The following HRH2 variants were observed in gnomAD, a reference collection of about 807,000 sequenced individuals.
The protein encoded by HRH2 is histamine receptor H2.
Under a neutral mutation model 20.1 loss-of-function variants are expected in HRH2, and 4 were observed. That is an observed-to-expected ratio of 0.20 (90% confidence interval 0.10 to 0.45). The LOEUF (loss-of-function observed/expected upper bound fraction) is 0.45, where lower values mean the gene tolerates loss of function less well. Among genes scored for constraint, HRH2 ranks in the 20% least tolerant of loss-of-function variants. The pLI is 0.99. For missense variants in HRH2, 250 were observed against 461.6 expected (o/e 0.54, Z 4.20); for synonymous variants, 197 against 200.7 (o/e 0.98, Z 0.16).
intron 2 of HRH2, among the ~76,000 whole-genome samples, chr5:175,689,216 T>C (rs1756279050): frequency 6.6e-6 from 1 of 152,204 alleles, no homozygotes; most frequent in African/African-American, 2.4e-5. Context: ...TTCTTATCCC[T>C]GTCTCCAAGG....
chr5:175,667,598 G>A (rs1561720321), intron 1 of HRH2, among the ~76,000 whole-genome samples: 1 of 152,052 alleles, frequency 6.6e-6, no homozygotes, highest in Non-Finnish European at 1.5e-5. Context: ...CACATCCCCT[G>A]TAAGTTAACA....
At position 175,683,587 on chromosome 5, in the gene HRH2, C is replaced by T. The variant is rs202145100; in HGVS notation, c.354C>T (p.Cys118=). The part of the protein sequence containing the change: ...NLFMISLDRY[C]AVMDPLRYPV... ...TCATGATCAGCCTCGACCGGTACTGCGCTGTCATGGACCCACTGCGGTACC... is the reference window on the plus strand; with the variant it reads ...TCATGATCAGCCTCGACCGGTACTGTGCTGTCATGGACCCACTGCGGTACC... The change falls in exon 2 of 3, where the codon TGC becomes TGT. Residue 118 remains cysteine (C), a synonymous_variant. Coordinates refer to ENST00000636584, the MANE Select transcript of HRH2 (RefSeq NM_001367711.1). The T allele has an allele frequency of 1.6e-4, 251 of 1,614,208 alleles. 4 individuals carry two copies. In the East Asian group the frequency reaches 1.7e-3, roughly 11 times the overall value.
chr5:175,662,016 T>C (rs184294038), intron 1 of HRH2, among the ~76,000 whole-genome samples: 18 of 147,384 alleles, frequency 1.2e-4, no homozygotes, highest in Non-Finnish European at 2.5e-4. Flanking sequence ...TGAGACTCTG[T>C]CTCAAAAAAT....
chr5:175,683,794 G>T lies in HRH2; in HGVS notation c.561G>T (p.Gly187=). 1 of 1,614,144 alleles carries T rather than the reference G, an allele frequency of 6.2e-7. No individual in the cohort carries two copies. The highest frequency in any genetic ancestry group is 8.5e-7 in the Non-Finnish European group (1 of 1,180,040). ...QVNEVYGLVD[G]LVTFYLPLLI... ...ATGAAGTGTACGGGCTGGTGGATGG[G>T]CTGGTCACCTTCTACCTCCCGCTAC... The change falls in exon 2 of 3, where the codon GGG becomes GGT. Residue 187 remains glycine, a synonymous_variant. Coordinates refer to ENST00000636584, the MANE Select transcript of HRH2 (RefSeq NM_001367711.1).
intron 2 of HRH2, among the ~76,000 whole-genome samples, chr5:175,698,130 G>A (rs765799558): frequency 1.1e-4 from 17 of 152,234 alleles, no homozygotes; most frequent in African/African-American, 1.4e-4. Context: ...CTGGCACACC[G>A]ACCTGCACAC....
In HRH2 at chr5:175,681,723, G is replaced by C. The variant is rs145353240; in HGVS notation, c.-525-986G>C. ...GGAAGGAGAAACCACCCTAATGCCC[G>C]TGAGAGGGTGATGTGGGGATGATAG... On this transcript the variant is annotated intron_variant, in intron 1 of 2. Transcript: ENST00000636584. The surrounding 1 kb of genome is among the most constrained non-coding windows in gnomAD (Gnocchi z 4.3). Among the ~76,000 whole-genome samples, 1 of 152,202 alleles carries C rather than the reference G, an allele frequency of 6.6e-6. No homozygotes were observed. Among genetic ancestry groups the C allele is most frequent in the Non-Finnish European group, 1.5e-5 (1 of 68,034 alleles).
At position 175,683,176 on chromosome 5, in the gene HRH2, G is replaced by A. The variant is rs1466735975; in HGVS notation, c.-58G>A. The A allele has an allele frequency of 5.7e-6, 9 of 1,565,532 alleles. No homozygotes were observed. The highest frequency in any genetic ancestry group is 1.2e-5 in the South Asian group (1 of 83,768). The stretch of plus-strand genomic sequence containing the variant: ...GTGGTTGGCATAGTTGTCACATTGG[G>A]AGCAGAGAAGAAGCAACCAGGGGCC... On this transcript the variant is annotated 5_prime_UTR_variant, in exon 2 of 3. Coordinates refer to ENST00000636584, the MANE Select transcript of HRH2 (RefSeq NM_001367711.1).
At chr5:175,674,124 C>G (rs1224481758) in intron 1 of HRH2, among the ~76,000 whole-genome samples, 1 of 152,198 alleles carries the variant, frequency 6.6e-6, no homozygotes, top group East Asian at 1.9e-4. Flanking sequence ...TGGCAGAGGC[C>G]AAGCAAATGG....
chr5:175,663,275 C>T (rs1442828320), intron 1 of HRH2, among the ~76,000 whole-genome samples: 1 of 152,200 alleles, frequency 6.6e-6, no homozygotes, highest in Non-Finnish European at 1.5e-5. Context: ...GTTGCACTGT[C>T]TTACATTCCC....
At chr5:175,697,196 G>A (rs1166376430) in intron 2 of HRH2, among the ~76,000 whole-genome samples, 1 of 152,166 alleles carries the variant, frequency 6.6e-6, no homozygotes, top group Non-Finnish European at 1.5e-5. Flanking sequence ...GGGCGCGGTG[G>A]CTCACGCCTG....
At chr5:175,684,743 TTAAA>T (rs1385837077) in intron 2 of HRH2, among the ~76,000 whole-genome samples, 1 of 152,046 alleles carries the variant, frequency 6.6e-6, no homozygotes, top group East Asian at 1.9e-4. Flanking sequence ...TGTTGTGGGG[TTAAA>T]TGAGAAACTC....
At chr5:175,661,754 G>A (rs1258638655) in intron 1 of HRH2, among the ~76,000 whole-genome samples, 1 of 152,220 alleles carries the variant, frequency 6.6e-6, no homozygotes, top group Non-Finnish European at 1.5e-5. Flanking sequence ...GGACACAGTG[G>A]CTCACGCCTG....
At chr5:175,699,185 G>T (rs1026687975) in intron 2 of HRH2, among the ~76,000 whole-genome samples, 1 of 152,210 alleles carries the variant, frequency 6.6e-6, no homozygotes, top group Non-Finnish European at 1.5e-5. Flanking sequence ...GGTAATGTTG[G>T]TTTGTGGCAG....
At chr5:175,678,277 C>CT (rs1755828243) in intron 1 of HRH2, among the ~76,000 whole-genome samples, 2 of 152,196 alleles carry the variant, frequency 1.3e-5, no homozygotes, top group Admixed American at 1.3e-4. Flanking sequence ...ATGTGTCATG[C>CT]ACATGAATGC....
intron 1 of HRH2, among the ~76,000 whole-genome samples, chr5:175,670,085 G>C (rs906037630): frequency 6.6e-6 from 1 of 152,172 alleles, no homozygotes; most frequent in Non-Finnish European, 1.5e-5. Context: ...CCTGTGTCTG[G>C]TCAGGCTTCT....
intron 1 of HRH2, among the ~76,000 whole-genome samples, chr5:175,666,400 G>A (rs1185263663): frequency 6.6e-6 from 1 of 152,150 alleles, no homozygotes; most frequent in East Asian, 1.9e-4. Context: ...CCCAGTTGAT[G>A]TGACTCACCC....
At chr5:175,689,646 T>A (rs1189428608) in intron 2 of HRH2, among the ~76,000 whole-genome samples, 1 of 152,168 alleles carries the variant, frequency 6.6e-6, no homozygotes, top group Non-Finnish European at 1.5e-5. Context: ...GATGTCACAA[T>A]AAGTCTCCCT....
chr5:175,671,471 T>G (rs1169020469), intron 1 of HRH2, among the ~76,000 whole-genome samples: 1 of 152,156 alleles, frequency 6.6e-6, no homozygotes, highest in Non-Finnish European at 1.5e-5. Flanking sequence ...GTGGCAGTGC[T>G]GGTATCCAGT....
Position 175,683,612 on chromosome 5 carries a change from C to A in HRH2, c.379C>A (p.Pro127Thr). The A allele has an allele frequency of 1.2e-6, 2 of 1,614,186 alleles. No individual in the cohort carries two copies. Among genetic ancestry groups the A allele is most frequent in the South Asian group, 2.2e-5 (2 of 91,082 alleles). Residue 127 changes from proline (P) to threonine (T), a missense_variant, in exon 2 of 3, where the codon CCT (proline) becomes ACT (threonine). By Grantham distance (38) the Pro-to-Thr change is conservative (BLOSUM62 -1). Around this residue, in one of 5 missense-constraint regions of HRH2, gnomAD observed 86 missense variants for 176.4 expected, o/e 0.49. Coordinates refer to ENST00000636584, the MANE Select transcript of HRH2 (RefSeq NM_001367711.1). ...YCAVMDPLRY[P>T]VLVTPVRVAI... ...CGCTGTCATGGACCCACTGCGGTAC[C>A]CTGTGCTGGTCACCCCAGTTCGGGT... is the stretch of plus-strand genomic sequence containing the variant.
Sources: gnomAD v4.1 joint callset for allele counts (sites outside exome capture counted in the v4.1 genomes callset) on GRCh38, gnomAD v4.1.1 for gene constraint, gnomAD v4.1.1 regional missense constraint, Gnocchi (gnomAD v3.1) non-coding constraint, MANE v1.5 for transcripts, NCBI Gene and HGNC (gene_info 2026-07-23, HGNC 2026-07-21) for gene names.